TNR: variants seen among roughly 807,000 people sequenced by gnomAD.
TNR encodes the protein tenascin R.
A neutral mutation model predicts 150.4 loss-of-function variants in TNR; 45 were observed. The observed-to-expected ratio is 0.30, with a 90% CI of 0.24 to 0.38. The LOEUF is 0.38. Ranked by LOEUF, TNR falls within the 10% of genes least tolerant of loss-of-function variation. TNR has a pLI of 1.00. For missense variants in TNR, 1,544 were observed against 1,759.1 expected (o/e 0.88, Z 2.19); for synonymous variants, 687 against 678.4 (o/e 1.01, Z -0.20).
At chr1:175,611,452 C>T (rs1380976029) in intron 1 of TNR, among the ~76,000 whole-genome samples, 1 of 152,116 alleles carries the variant, frequency 6.6e-6, no homozygotes, top group Non-Finnish European at 1.5e-5. Flanking sequence ...CCTGTCTCAG[C>T]CTCCCAAGTA....
intron 2 of TNR, among the ~76,000 whole-genome samples, chr1:175,468,584 G>A (rs1657135057): frequency 6.6e-6 from 1 of 152,156 alleles, no homozygotes; most frequent in Non-Finnish European, 1.5e-5. Context: ...TCCAATCTGA[G>A]GAAATGGGGA....
At chr1:175,451,745 T>C (rs1459062078) in intron 2 of TNR, among the ~76,000 whole-genome samples, 1 of 152,188 alleles carries the variant, frequency 6.6e-6, no homozygotes, top group Non-Finnish European at 1.5e-5. Context: ...GGATTGTAGC[T>C]CTTACTGATG....
intron 1 of TNR, among the ~76,000 whole-genome samples, chr1:175,583,256 G>T (rs1212586749): frequency 2.0e-5 from 3 of 152,170 alleles, no homozygotes; most frequent in African/African-American, 7.2e-5. Context: ...AGACCTTCCA[G>T]GGTAGCCAGG....
intron 2 of TNR, among the ~76,000 whole-genome samples, chr1:175,471,588 A>T (rs1357977256): frequency 6.6e-6 from 1 of 152,200 alleles, no homozygotes; most frequent in Non-Finnish European, 1.5e-5. Context: ...GATTTAAAAA[A>T]TGGTACATCT....
intron 1 of TNR, among the ~76,000 whole-genome samples, chr1:175,683,547 C>T (rs1321433343): frequency 6.6e-6 from 1 of 152,198 alleles, no homozygotes; most frequent in African/African-American, 2.4e-5. Context: ...TCTGCCCATG[C>T]CCCTTCAGCA....
At chr1:175,508,039 T>C (rs1659028243) in intron 2 of TNR, among the ~76,000 whole-genome samples, 1 of 152,118 alleles carries the variant, frequency 6.6e-6, no homozygotes, top group Non-Finnish European at 1.5e-5. Context: ...ATGTTCTCAC[T>C]TGTAAGTGGG....
intron 1 of TNR, among the ~76,000 whole-genome samples, chr1:175,627,068 C>T (rs1664177772): frequency 6.6e-6 from 1 of 152,226 alleles, no homozygotes; most frequent in Admixed American, 6.5e-5. Flanking sequence ...GCCTCCAGAA[C>T]TCTGAGAACA....
intron 1 of TNR, among the ~76,000 whole-genome samples, chr1:175,549,616 A>T (rs546488326): frequency 6.6e-6 from 1 of 152,204 alleles, no homozygotes; most frequent in Non-Finnish European, 1.5e-5. Context: ...TCGCATGAGA[A>T]CTTTAAAAGC....
chr1:175,364,627 G>A (rs1651751588), intron 12 of TNR, among the ~76,000 whole-genome samples: 1 of 152,234 alleles, frequency 6.6e-6, no homozygotes, highest in Non-Finnish European at 1.5e-5. Flanking sequence ...TATTGTACGA[G>A]TGAACTTTCT....
At chr1:175,618,427 TC>T in intron 1 of TNR, among the ~76,000 whole-genome samples, 1 of 152,266 alleles carries the variant, frequency 6.6e-6, no homozygotes, top group South Asian at 2.1e-4. Context: ...TGGTTATTTT[TC>T]CCCTCTCCCC....
At chr1:175,587,590 A>T (rs1662624196) in intron 1 of TNR, among the ~76,000 whole-genome samples, 1 of 152,322 alleles carries the variant, frequency 6.6e-6, no homozygotes, top group East Asian at 1.9e-4. Flanking sequence ...ATCATTGGCC[A>T]GTCAAAGCAA....
intron 2 of TNR, among the ~76,000 whole-genome samples, chr1:175,448,103 A>G (rs948553589): frequency 3.9e-5 from 6 of 152,136 alleles, no homozygotes; most frequent in African/African-American, 1.2e-4. Context: ...AGTGACCTCC[A>G]CCTGTACTCT....
Position 175,355,530 on chromosome 1 carries a change from G to A in TNR, c.3222C>T (p.Thr1074=). ...PRAEIENYVL[T]YKSTDGSRKE... ...TGCGGCTTCCATCGGTGGATTTGTA[G>A]GTCAAGACATAATTTTCAATCTCTG... The change falls in exon 17 of 23, where the codon ACC becomes ACT. Residue 1074 remains threonine (T), a synonymous_variant. Coordinates refer to ENST00000367674, the MANE Select transcript of TNR (RefSeq NM_003285.3). 2 of 1,614,008 alleles carry A rather than the reference G, an allele frequency of 1.2e-6. No individual in the cohort carries two copies. Among genetic ancestry groups the A allele is most frequent in the Non-Finnish European group, 1.7e-6 (2 of 1,179,898 alleles).
At chr1:175,733,912 T>C (rs563156955) in intron 1 of TNR, among the ~76,000 whole-genome samples, 2 of 147,738 alleles carry the variant, frequency 1.4e-5, no homozygotes, top group East Asian at 2.0e-4. Context: ...CTTCTTGCCT[T>C]GTGAGGGAGT....
chr1:175,378,221 G>C (rs563089573), intron 9 of TNR, among the ~76,000 whole-genome samples: 1 of 152,066 alleles, frequency 6.6e-6, no homozygotes, highest in African/African-American at 2.4e-5. Flanking sequence ...ACTTTTCATC[G>C]GGTGCATAAG....
chr1:175,343,225 G>A (rs915397917), intron 18 of TNR, among the ~76,000 whole-genome samples: 4 of 152,052 alleles, frequency 2.6e-5, no homozygotes, highest in South Asian at 2.1e-4. Context: ...TGTACGCTCC[G>A]TCTCTGTCCT....
At chr1:175,650,922 C>CT (rs1233667201) in intron 1 of TNR, among the ~76,000 whole-genome samples, 4 of 86,998 alleles carry the variant, frequency 4.6e-5, no homozygotes, top group East Asian at 3.2e-4. Context: ...TACTACCCCT[C>CT]CCCACCTCAT....
chr1:175,523,278 A>G (rs1253447193), intron 2 of TNR, among the ~76,000 whole-genome samples: 3 of 152,242 alleles, frequency 2.0e-5, no homozygotes, highest in Non-Finnish European at 4.4e-5. Flanking sequence ...GGGATAACAA[A>G]AATAATGTGA....
At chr1:175,638,161 G>C (rs1398443299) in intron 1 of TNR, among the ~76,000 whole-genome samples, 1 of 152,134 alleles carries the variant, frequency 6.6e-6, no homozygotes, top group Non-Finnish European at 1.5e-5. Context: ...ATGCTGATAT[G>C]GTCTCCAGAA....
Sources: gnomAD v4.1 joint callset for allele counts (sites outside exome capture counted in the v4.1 genomes callset) on GRCh38, gnomAD v4.1.1 for gene constraint, MANE v1.5 for transcripts, NCBI Gene and HGNC (gene_info 2026-07-23, HGNC 2026-07-21) for gene names.